Variants in EME2 observed in about 807,000 individuals in gnomAD.
The protein encoded by EME2 is essential meiotic structure-specific endonuclease subunit 2, also known as structure-specific endonuclease subunit EME2.
A neutral mutation model predicts 41.9 loss-of-function variants in EME2; 58 were observed. The ratio of observed to expected loss-of-function variants is 1.38; its 90% CI spans 1.12 to 1.72. EME2 has a LOEUF of 1.72. EME2 is among the 40% of genes most tolerant of loss of function. The pLI is 0.00. For synonymous variants in EME2, 334 were observed against 239.3 expected, an observed-to-expected ratio of 1.40 and a Z score of -3.65; for missense variants, 695 against 541.9, an observed-to-expected ratio of 1.28 and a Z score of -2.81.
rs368196740 is a variant in EME2 at position 1,775,521 on chromosome 16, C to T, written c.664-48C>T. On this transcript the variant is annotated intron_variant, in intron 5 of 7. Transcript: ENST00000568449. ...TGGGGCAGCTATCAGCTGTGTGTCC[C>T]GGGTAGCCTTCCTCTGGCTCGTGCC... The T allele has an allele frequency of 1.3e-4, 205 of 1,603,010 alleles. 1 individual carries two copies. The Middle Eastern group carries it at 1.3e-3, about 10-fold the overall frequency.
At position 1,772,912 on chromosome 16, in the gene EME2, G is replaced by A; in HGVS notation, c.-316G>A. 1 of 1,449,600 alleles carries A rather than the reference G, an allele frequency of 6.9e-7. No individual in the cohort carries two copies. Among genetic ancestry groups the A allele is most frequent in the South Asian group, 1.4e-5 (1 of 71,436 alleles). 89.8% of individuals were successfully genotyped at this position (1,449,600 alleles called of 1,614,324 possible). On this transcript the variant is annotated 5_prime_UTR_variant, in exon 1 of 8. Transcript: ENST00000568449. The stretch of plus-strand genomic sequence containing the variant: ...CGGCCCAGGCCGAAGAGCGGGAGGC[G>A]GCCGAGCAGCTGCAAGAGGCGGCTC...
chr16:1,776,394 G>C lies in EME2; in HGVS notation c.*156G>C. ...TCAGGGGAAGGGTGGGTGGTTGCAG[G>C]GGAAGTTTTAGGTAGCTGGGAGAAG... On this transcript the variant is annotated 3_prime_UTR_variant, in exon 8 of 8. Coordinates refer to ENST00000568449, the MANE Select transcript of EME2 (RefSeq NM_001257370.2). 3.0e-6 allele frequency: 2 copies of C among 675,628 alleles called. No individual in the cohort carries two copies. The highest frequency in any genetic ancestry group is 3.1e-5 in the Admixed American group (1 of 32,334). 41.9% of individuals were successfully genotyped at this position (675,628 alleles called of 1,614,324 possible).
chr16:1,775,167 C>T, intron 4 of EME2, 35 bp downstream of exon 4: 1 of 1,605,824 alleles, frequency 6.2e-7, no homozygotes, highest in Non-Finnish European at 8.5e-7. Flanking sequence ...GCAGGGCTGG[C>T]TGGGACGGGG....
rs755115911 is a variant in EME2, at chr16:1,775,547, C to T, written c.664-22C>T. The T allele has an allele frequency of 3.7e-6, 6 of 1,610,654 alleles. No individual in the cohort carries two copies. The Admixed American group carries it at 5.0e-5, about 13-fold the overall frequency. On this transcript the variant is annotated intron_variant, in intron 5 of 7. Coordinates refer to ENST00000568449, the MANE Select transcript of EME2 (RefSeq NM_001257370.2). The stretch of plus-strand genomic sequence containing the variant: ...GGGTAGCCTTCCTCTGGCTCGTGCC[C>T]ATCAGCTTGCCTCCTCCCCAGGCCC...
At position 1,777,609 on chromosome 16, in the gene EME2, C is replaced by T. The variant is rs1475350880; in HGVS notation, c.*1371C>T. The T allele has an allele frequency of 1.5e-5, 22 of 1,451,048 alleles. No individual in the cohort carries two copies. The highest frequency in any genetic ancestry group is 2.0e-5 in the Non-Finnish European group (22 of 1,082,438). 89.9% of individuals were successfully genotyped at this position (1,451,048 alleles called of 1,614,324 possible). ...CCACTCCAGCCTGGCCTCACTGTCC[C>T]ACCCCCTGGGACCCTGGGGCCTCAG... On this transcript the variant is annotated 3_prime_UTR_variant, in exon 8 of 8. Coordinates refer to ENST00000568449, the MANE Select transcript of EME2 (RefSeq NM_001257370.2).
At chr16:1,774,392 G>A (rs200776957) in intron 3 of EME2, 40 bp downstream of exon 3, 1 of 1,566,810 alleles carries the variant, frequency 6.4e-7, no homozygotes, top group Non-Finnish European at 8.8e-7. Context: ...TAATCAGGAG[G>A]GGTGGGTTCC....
intron 2 of EME2, 127 bp downstream of exon 2, chr16:1,773,968 G>A: frequency 3.1e-6 from 4 of 1,282,412 alleles, no homozygotes; most frequent in Non-Finnish European, 4.2e-6. Flanking sequence ...GGTAAAGCAA[G>A]GATGGAGAAC....
chr16:1,777,941 C>A lies in EME2; in HGVS notation c.*1703C>A. 6.2e-7 allele frequency: 1 copy of A among 1,612,520 alleles called. No individual in the cohort carries two copies. Among genetic ancestry groups the A allele is most frequent in the Non-Finnish European group, 8.5e-7 (1 of 1,179,876 alleles). On this transcript the variant is annotated 3_prime_UTR_variant, in exon 8 of 8. Coordinates refer to ENST00000568449, the MANE Select transcript of EME2 (RefSeq NM_001257370.2). ...CGGCCCCGCCCCACCCTGGGCCTCA[C>A]GCACCCGTGTAGGAGAGGCCCCAGC...
At position 1,775,157 on chromosome 16, in the gene EME2, G is replaced by A. The variant is rs973436687; in HGVS notation, c.569+25G>A. The A allele has an allele frequency of 1.9e-6, 3 of 1,610,084 alleles. No homozygotes were observed. In the African/African-American group the frequency reaches 4.0e-5, roughly 21 times the overall value. ...GGTACCGCTCACTCTCATGCCCACA[G>A]CAGGGCTGGCTGGGACGGGGGTTCA... On this transcript the variant is annotated intron_variant, in intron 4 of 7. Transcript: ENST00000568449.
chr16:1,774,917 C>A, intron 3 of EME2, 124 bp from the exon 4 acceptor site: 2 of 769,912 alleles, frequency 2.6e-6, no homozygotes, highest in Admixed American at 4.4e-5. Context: ...GGAACAGAGG[C>A]TCCTCTCGGC....
chr16:1,775,099 A>G lies in EME2; in HGVS notation c.536A>G (p.His179Arg). The G allele has an allele frequency of 6.2e-7, 1 of 1,611,252 alleles. No homozygotes were observed. Among genetic ancestry groups the G allele is most frequent in the Non-Finnish European group, 8.5e-7 (1 of 1,179,834 alleles). ...WISPETTARP[H>R]LAVIGLDAYL... ...TCCCCCGAGACCACCGCCCGGCCCC[A>G]CCTGGCTGTCATCGGGCTGGATGCC... The change falls in exon 4 of 8, where the codon CAC (histidine) becomes CGC (arginine). Residue 179 changes from histidine to arginine, a missense_variant. Transcript: ENST00000568449.
At position 1,775,858 on chromosome 16, in the gene EME2, C is replaced by T. The variant is rs779686215; in HGVS notation, c.841C>T (p.Pro281Ser). Reference protein sequence around the residue: ...CTAGRWAAGEPVARDGAGLQA... With the variant: ...CTAGRWAAGESVARDGAGLQA... ...AGCAGGGCGCTGGGCAGCCGGCGAG[C>T]CAGTGGCAAGAGACGGCGCAGGGCT... is the stretch of plus-strand genomic sequence containing the variant. Residue 281 changes from proline (P) to serine (S), a missense_variant, in exon 7 of 8, where the codon CCA becomes TCA. Transcript: ENST00000568449. 47 of 1,612,514 alleles carry T rather than the reference C, an allele frequency of 2.9e-5. 1 individual carries two copies. Among genetic ancestry groups the T allele is most frequent in the Middle Eastern group, 1.6e-4 (1 of 6,084 alleles).
At chr16:1,774,678 G>A (rs2042682211) in intron 3 of EME2, among the ~76,000 whole-genome samples, 1 of 152,356 alleles carries the variant, frequency 6.6e-6, no homozygotes, top group Middle Eastern at 3.4e-3. Flanking sequence ...GTGCTGTGGT[G>A]CCAGGTAGCG....
In EME2 at chr16:1,777,271, A is replaced by T. The variant is rs764691946; in HGVS notation, c.*1033A>T. ...GCTTGAGGCCCGGCGGCAGCGGCAG[A>T]CCCTCCAGCGTGTCTCCCGAGTCTG... On this transcript the variant is annotated 3_prime_UTR_variant, in exon 8 of 8. Transcript: ENST00000568449. 4.3e-6 allele frequency: 7 copies of T among 1,610,390 alleles called. No individual in the cohort carries two copies. Among genetic ancestry groups the T allele is most frequent in the Non-Finnish European group, 5.9e-6 (7 of 1,179,814 alleles).
chr16:1,775,959 C>T lies in EME2; in HGVS notation c.942C>T (p.Ala314=). The change falls in exon 7 of 8, where the codon GCC becomes GCT. Residue 314 remains alanine (A), a synonymous_variant. Transcript: ENST00000568449. ...CCGTGGCTGATGCAGTTGTCACAGC[C>T]TTCCCCTCCCCCCGCCTTCTGCAGC... is the stretch of plus-strand genomic sequence containing the variant. ...SPAVADAVVT[A]FPSPRLLQQA... 4 of 1,610,616 alleles carry T rather than the reference C, an allele frequency of 2.5e-6. No homozygotes were observed. The highest frequency in any genetic ancestry group is 1.1e-5 in the South Asian group (1 of 91,028).
chr16:1,778,487 G>C lies in EME2; in HGVS notation c.*2249G>C, dbSNP rs2042747952. On this transcript the variant is annotated 3_prime_UTR_variant, in exon 8 of 8. Transcript: ENST00000568449. Reference sequence around the variant, plus strand: ...CCCTGCCCCGGTGGGCCGAGTGCAGGCTGCTACAGAAGGAGGCCTCGCTCT... The same window carrying C: ...CCCTGCCCCGGTGGGCCGAGTGCAGCCTGCTACAGAAGGAGGCCTCGCTCT... The C allele has an allele frequency of 1.2e-6, 2 of 1,611,768 alleles. No individual in the cohort carries two copies. The highest frequency in any genetic ancestry group is 1.3e-5 in the African/African-American group (1 of 74,916).
rs757361579 is a variant in EME2, at chr16:1,775,114, G to T, written c.551G>T (p.Gly184Val). 25 of 1,611,890 alleles carry T rather than the reference G, an allele frequency of 1.6e-5. No homozygotes were observed. Among genetic ancestry groups the T allele is most frequent in the Non-Finnish European group, 1.7e-5 (20 of 1,179,984 alleles). The change falls in exon 4 of 8, where the codon GGG becomes GTG. Residue 184 changes from glycine to valine, a missense_variant. By Grantham distance (109) the Gly-to-Val change is moderately radical. Transcript: ENST00000568449. ...GCCCGGCCCCACCTGGCTGTCATCG[G>T]GCTGGATGCCTACCTGTGGTACCGC... ...TTARPHLAVI[G>V]LDAYLWSRQH... is the part of the protein sequence containing the mutation.
chr16:1,776,227 C>G lies in EME2; in HGVS notation c.1129C>G (p.Leu377Val). The part of the protein sequence containing the change: ...TTANPDLLLD[L>V]GS ...AGCCAACCCTGATCTCCTGCTGGACCTGGGCTCCTGACCACACGTGGGACC... is the reference window on the plus strand; with the variant it reads ...AGCCAACCCTGATCTCCTGCTGGACGTGGGCTCCTGACCACACGTGGGACC... The change falls in exon 8 of 8, where the codon CTG becomes GTG. Residue 377 changes from leucine (L) to valine (V), a missense_variant. Physicochemically the swap from Leu to Val is conservative, Grantham distance 32. Coordinates refer to ENST00000568449, the MANE Select transcript of EME2 (RefSeq NM_001257370.2). 2 of 1,612,482 alleles carry G rather than the reference C, an allele frequency of 1.2e-6. No individual in the cohort carries two copies. Among genetic ancestry groups the G allele is most frequent in the Middle Eastern group, 1.7e-4 (1 of 6,060 alleles).
rs776927411 is a variant in EME2 at position 1,773,505 on chromosome 16, G to C, written c.247+31G>C. 1.9e-6 allele frequency: 3 copies of C among 1,572,928 alleles called. No individual in the cohort carries two copies. The Admixed American group carries it at 5.4e-5, about 28-fold the overall frequency. On this transcript the variant is annotated intron_variant, in intron 1 of 7. Transcript: ENST00000568449. ...GCGGAGGGCACGGGCGATACTCGGGGTAGGAAAGGCCTTTCTCCGCCAGGC... is the reference window on the plus strand; with the variant it reads ...GCGGAGGGCACGGGCGATACTCGGGCTAGGAAAGGCCTTTCTCCGCCAGGC...
Sources: allele counts gnomAD v4.1 joint callset (sites outside exome capture counted in the v4.1 genomes callset), GRCh38; gene constraint gnomAD v4.1.1; transcripts MANE v1.5; gene names NCBI Gene and HGNC (gene_info 2026-07-23, HGNC 2026-07-21).